GRK7: variants seen among roughly 807,000 people sequenced by gnomAD.
The protein encoded by GRK7 is rhodopsin kinase GRK7.
In GRK7, 24 loss-of-function variants were observed where a neutral mutation model predicts 34.1. That is an observed-to-expected ratio of 0.70 (90% CI 0.51 to 0.99). The LOEUF is 0.99. Ranked by LOEUF, GRK7 falls within the 50% of genes least tolerant of loss-of-function variation. The pLI is 0.00. For missense variants in GRK7, 644 were observed against 707.3 expected, an observed-to-expected ratio of 0.91 and a Z score of 1.02; for synonymous variants, 256 against 279.4, an observed-to-expected ratio of 0.92 and a Z score of 0.84.
At position 141,778,827 on chromosome 3, in the gene GRK7, C is replaced by T. The variant is rs141991963; in HGVS notation, c.543C>T (p.Phe181=). ...FYDKFLQWKL[F]EMQPVSDKYF... ...ACAAGTTTCTGCAGTGGAAACTCTT[C>T]GAGATGCAACCAGTGTCAGACAAGT... is the stretch of plus-strand genomic sequence containing the variant. The change falls in exon 3 of 6, where the codon TTC becomes TTT. Residue 181 remains phenylalanine (F), a synonymous_variant. Coordinates refer to ENST00000682958, the MANE Select transcript of GRK7 (RefSeq NM_139209.3). The surrounding 1 kb of genome is among the most constrained non-coding windows in gnomAD (Gnocchi z 4.1). 8.1e-6 allele frequency: 13 copies of T among 1,611,784 alleles called. No homozygotes were observed. The highest frequency in any genetic ancestry group is 2.2e-5 in the East Asian group (1 of 44,880).
chr3:141,811,175 G>A (rs1244388368), intron 5 of GRK7, among the ~76,000 whole-genome samples: 5 of 151,856 alleles, frequency 3.3e-5, no homozygotes, highest in Admixed American at 6.6e-5. Context: ...AATATTAGCC[G>A]GGTGCAGTGG....
chr3:141,804,620 C>A (rs747483915), intron 4 of GRK7, among the ~76,000 whole-genome samples: 1 of 151,348 alleles, frequency 6.6e-6, no homozygotes, highest in African/African-American at 2.4e-5. Context: ...TACACACGCT[C>A]ATACATACAC....
chr3:141,807,594 C>A (rs1252577850), intron 4 of GRK7, 51 bp from the exon 5 acceptor site: 1 of 1,521,916 alleles, frequency 6.6e-7, no homozygotes, highest in South Asian at 1.2e-5. Flanking sequence ...GCTACACTCA[C>A]CTTAGTGTCT....
intron 1 of GRK7, among the ~76,000 whole-genome samples, chr3:141,771,458 G>C (rs2084616527): frequency 7.4e-6 from 1 of 134,932 alleles, no homozygotes; most frequent in Non-Finnish European, 1.6e-5. Context: ...AGGATGGGAG[G>C]GTAAGAAGGT....
chr3:141,810,096 T>C (rs1034714468), intron 5 of GRK7, among the ~76,000 whole-genome samples: 1 of 152,214 alleles, frequency 6.6e-6, no homozygotes, highest in Non-Finnish European at 1.5e-5. Flanking sequence ...TCCAATCAGT[T>C]GAAAGCCTTA....
chr3:141,771,294 A>G (rs1310294430), intron 1 of GRK7, among the ~76,000 whole-genome samples: 2 of 152,212 alleles, frequency 1.3e-5, no homozygotes, highest in African/African-American at 4.8e-5. Flanking sequence ...TGTCTTTTTC[A>G]TCAATGTGGA....
chr3:141,810,857 G>A (rs548834077), intron 5 of GRK7, among the ~76,000 whole-genome samples: 12 of 152,202 alleles, frequency 7.9e-5, no homozygotes, highest in African/African-American at 2.9e-4. Flanking sequence ...ATAGGATATG[G>A]TGACCACTGA....
chr3:141,781,211 T>C (rs965441121), intron 4 of GRK7, among the ~76,000 whole-genome samples: 2 of 151,976 alleles, frequency 1.3e-5, no homozygotes, highest in East Asian at 3.9e-4. Flanking sequence ...AATTCCATGA[T>C]CCTAGGAGGT....
chr3:141,776,551 C>T (rs754136614), intron 2 of GRK7, among the ~76,000 whole-genome samples: 61 of 152,166 alleles, frequency 4.0e-4, no homozygotes, highest in Non-Finnish European at 5.6e-4. Context: ...TTCAGAGCAG[C>T]GGGCACCGGT....
At chr3:141,791,491 G>A (rs959920572) in intron 4 of GRK7, among the ~76,000 whole-genome samples, 1 of 152,092 alleles carries the variant, frequency 6.6e-6, no homozygotes, top group Non-Finnish European at 1.5e-5. Flanking sequence ...CACCAGCATT[G>A]ACCAAATTTA....
chr3:141,807,613 T>G (rs892955316), intron 4 of GRK7, 32 bp from the exon 5 acceptor site: 1 of 1,596,106 alleles, frequency 6.3e-7, no homozygotes, highest in Non-Finnish European at 8.6e-7. Context: ...CTTTGTTCTG[T>G]GTTGTCTTGT....
chr3:141,773,262 T>C (rs1411552331), intron 1 of GRK7, among the ~76,000 whole-genome samples: 1 of 152,114 alleles, frequency 6.6e-6, no homozygotes, highest in Non-Finnish European at 1.5e-5. Context: ...AATAGTGTGT[T>C]AGAAATCTTG....
At chr3:141,771,683 C>T (rs947478859) in intron 1 of GRK7, among the ~76,000 whole-genome samples, 1 of 149,854 alleles carries the variant, frequency 6.7e-6, no homozygotes, top group Non-Finnish European at 1.5e-5. Flanking sequence ...GCTTGTACCT[C>T]CCAAATCTAT....
intron 1 of GRK7, among the ~76,000 whole-genome samples, chr3:141,767,921 G>A (rs2084597105): frequency 6.6e-6 from 1 of 152,172 alleles, no homozygotes; most frequent in African/African-American, 2.4e-5. Context: ...TTCATGTACA[G>A]GAAGAGCTTA....
intron 4 of GRK7, among the ~76,000 whole-genome samples, chr3:141,786,066 G>C (rs1355793595): frequency 6.6e-6 from 1 of 152,076 alleles, no homozygotes; most frequent in African/African-American, 2.4e-5. Context: ...ACAGATACCT[G>C]CTTATAGCCC....
At chr3:141,790,564 C>CTTTT (rs10540138) in intron 4 of GRK7, among the ~76,000 whole-genome samples, 1 of 141,234 alleles carries the variant, frequency 7.1e-6, no homozygotes. Context: ...TCTACATGCA[C>CTTTT]TTTTTTTTTT....
At chr3:141,789,659 A>AAAAAAAAAAAAAAAAC (rs2084714057) in intron 4 of GRK7, among the ~76,000 whole-genome samples, 1 of 150,100 alleles carries the variant, frequency 6.7e-6, no homozygotes, top group Non-Finnish European at 1.5e-5. Flanking sequence ...AAATGGGCAA[A>AAAAAAAAAAAAAAAAC]AAAAAAAAAA....
the GRK7 span, among the ~76,000 whole-genome samples, chr3:141,754,518 T>C: frequency 1.4e-5 from 2 of 140,252 alleles, no homozygotes; most frequent in Admixed American, 7.6e-5. Flanking sequence ...CACTGCAACC[T>C]CCACCTCTAC....
At chr3:141,757,147 C>CT in the GRK7 span, among the ~76,000 whole-genome samples, 5,376 of 89,180 alleles carry the variant, frequency 0.06, 99 homozygotes, top group South Asian at 0.095. Flanking sequence ...TTTTTTTTTT[C>CT]TTTTTTTTTT....
Sources: allele counts gnomAD v4.1 joint callset (sites outside exome capture counted in the v4.1 genomes callset), GRCh38; gene constraint gnomAD v4.1.1; non-coding constraint Gnocchi (gnomAD v3.1); transcripts MANE v1.5; gene names NCBI Gene and HGNC (gene_info 2026-07-23, HGNC 2026-07-21).